The following PRDX6 variants were observed in gnomAD, a reference collection of about 807,000 sequenced individuals.
The protein encoded by PRDX6 is peroxiredoxin 6.
A neutral mutation model predicts 20.0 loss-of-function variants in PRDX6; 13 were observed. That is an observed-to-expected ratio of 0.65 (90% CI 0.42 to 1.03). The LOEUF is 1.03. Ranked by LOEUF, PRDX6 falls within the 50% of genes least tolerant of loss-of-function variation. The probability of loss-of-function intolerance (pLI) is 0.00; values close to 1 mark genes in which losing one functional copy is unlikely to be tolerated. For missense variants in PRDX6, 203 were observed against 276.9 expected, an observed-to-expected ratio of 0.73 and a Z score of 1.89; for synonymous variants, 85 against 100.8, an observed-to-expected ratio of 0.84 and a Z score of 0.94.
At chr1:173,480,681 T>A (rs1658786484) in intron 1 of PRDX6, among the ~76,000 whole-genome samples, 1 of 152,044 alleles carries the variant, frequency 6.6e-6, no homozygotes, top group Non-Finnish European at 1.5e-5. Context: ...ACTGTGAAGG[T>A]GCTATTGTTT....
intron 4 of PRDX6, 149 bp from the exon 5 acceptor site, chr1:173,487,586 T>G: frequency 1.1e-6 from 1 of 893,648 alleles, no homozygotes; most frequent in Admixed American, 2.8e-5. Context: ...AAAGATCAAC[T>G]TGGAAAACAA....
chr1:173,485,261 G>T, intron 2 of PRDX6, 100 bp from the exon 3 acceptor site: 1 of 1,145,026 alleles, frequency 8.7e-7, no homozygotes, highest in Non-Finnish European at 1.2e-6. Flanking sequence ...ACTGTGATTT[G>T]GTCCTCTTTC....
chr1:173,486,184 G>A, intron 3 of PRDX6, 71 bp from the exon 4 acceptor site: 2 of 1,364,364 alleles, frequency 1.5e-6, no homozygotes, highest in Non-Finnish European at 2.0e-6. Context: ...ATTAATGACT[G>A]CAGAGCTTTC....
At chr1:173,478,595 TTATATTA>T (rs1056945106) in intron 1 of PRDX6, among the ~76,000 whole-genome samples, 1 of 152,086 alleles carries the variant, frequency 6.6e-6, no homozygotes, top group Non-Finnish European at 1.5e-5. Flanking sequence ...GCATGTCTAG[TTATATTA>T]TGGTTCTGGA....
intron 4 of PRDX6, 111 bp downstream of exon 4, chr1:173,486,512 G>T: frequency 8.4e-7 from 1 of 1,192,468 alleles, no homozygotes; most frequent in Non-Finnish European, 1.2e-6. Flanking sequence ...ACACTGGGAG[G>T]ATTTTTCCTC....
intron 1 of PRDX6, 122 bp downstream of exon 1, chr1:173,477,614 C>T: frequency 3.7e-6 from 3 of 812,342 alleles, no homozygotes. Context: ...CCTCGCCTTC[C>T]CCCGCACTGG....
At position 173,477,355 on chromosome 1, in the gene PRDX6, C is replaced by T. The variant is rs1406345898; in HGVS notation, c.-43C>T. 5.3e-6 allele frequency: 8 copies of T among 1,507,734 alleles called. No individual in the cohort carries two copies. Among genetic ancestry groups the T allele is most frequent in the Non-Finnish European group, 5.5e-6 (6 of 1,095,686 alleles). 93.4% of individuals were successfully genotyped at this position (1,507,734 alleles called of 1,614,324 possible). A position where few individuals can be genotyped will look rare whatever the true frequency, so the allele number is the denominator to read the frequency against. On this transcript the variant is annotated 5_prime_UTR_variant, in exon 1 of 5. Transcript: ENST00000340385. ...AGGCTGCTTCTTCGCCAGAACCAAC[C>T]GGTTGCTTGCTGTCCCAGCGGCGCC... is the stretch of plus-strand genomic sequence containing the variant.
At position 173,488,009 on chromosome 1, in the gene PRDX6, A is replaced by C; in HGVS notation, c.*146A>C. ...CAATGGCTTATTAAATGAAAATGGC[A>C]CTAAAAGTTTCTTGAGATTCTTTAT... On this transcript the variant is annotated 3_prime_UTR_variant, in exon 5 of 5. Coordinates refer to ENST00000340385, the MANE Select transcript of PRDX6 (RefSeq NM_004905.3). 1.0e-6 allele frequency: 1 copy of C among 952,814 alleles called. No individual in the cohort carries two copies. The highest frequency in any genetic ancestry group is 2.8e-5 in the Admixed American group (1 of 35,140). The allele number at this position is 952,814 out of a possible 1,614,324, so 59.0% of individuals were successfully genotyped here.
Position 173,487,847 on chromosome 1 carries a change from A to G in PRDX6, c.659A>G (p.Tyr220Cys). The G allele has an allele frequency of 6.2e-7, 1 of 1,612,906 alleles. No homozygotes were observed. The highest frequency in any genetic ancestry group is 8.5e-7 in the Non-Finnish European group (1 of 1,179,996). The change falls in exon 5 of 5, where the codon TAC (tyrosine) becomes TGC (cysteine). Residue 220 changes from tyrosine to cysteine, a missense_variant. Tyr to Cys is a radical substitution (Grantham distance 194). Coordinates refer to ENST00000340385, the MANE Select transcript of PRDX6 (RefSeq NM_004905.3). ...ELPSGKKYLR[Y>C]TPQP ...CCATCTGGCAAGAAATACCTCCGCT[A>G]CACACCCCAGCCTTAAGTCTCTTGG...
intron 2 of PRDX6, among the ~76,000 whole-genome samples, chr1:173,484,168 TTA>T (rs1225304174): frequency 7.4e-5 from 6 of 81,430 alleles, no homozygotes; most frequent in African/African-American, 3.9e-4. Context: ...ATATATATAT[TTA>T]TATATATACA....
Position 173,481,415 on chromosome 1 carries a change from C to T in PRDX6, c.185C>T (p.Ala62Val). The change falls in exon 2 of 5, where the codon GCC becomes GTC. Residue 62 changes from alanine to valine, a missense_variant. Transcript: ENST00000340385. Reference protein sequence around the residue: ...GRAAKLAPEFAKRNVKLIALS... With the variant: ...GRAAKLAPEFVKRNVKLIALS... ...GCTGCAAAGCTGGCACCAGAATTTG[C>T]CAAGAGGAATGTTAAGTTGATTGCC... The T allele has an allele frequency of 6.2e-7, 1 of 1,614,022 alleles. No homozygotes were observed. The highest frequency in any genetic ancestry group is 2.2e-5 in the East Asian group (1 of 44,886).
chr1:173,479,039 TC>T (rs1658757159), intron 1 of PRDX6, among the ~76,000 whole-genome samples: 1 of 152,134 alleles, frequency 6.6e-6, no homozygotes, highest in Admixed American at 6.5e-5. Flanking sequence ...TCATCCCCCA[TC>T]CCCATGAAAC....
At chr1:173,486,612 A>G (rs1037413943) in intron 4 of PRDX6, among the ~76,000 whole-genome samples, 1 of 152,184 alleles carries the variant, frequency 6.6e-6, no homozygotes, top group African/African-American at 2.4e-5. Context: ...ATGGCTTTCC[A>G]ACTTTTAGAT....
At chr1:173,477,748 G>C (rs1658725080) in intron 1 of PRDX6, among the ~76,000 whole-genome samples, 1 of 152,268 alleles carries the variant, frequency 6.6e-6, no homozygotes, top group Non-Finnish European at 1.5e-5. Flanking sequence ...CCTCCGGCGT[G>C]GCTGGGCAAG....
At chr1:173,479,344 TTA>T (rs1315064041) in intron 1 of PRDX6, among the ~76,000 whole-genome samples, 1 of 152,234 alleles carries the variant, frequency 6.6e-6, no homozygotes, top group African/African-American at 2.4e-5. Context: ...TTTGAGCCTT[TTA>T]TATGTTTATA....
intron 2 of PRDX6, among the ~76,000 whole-genome samples, chr1:173,483,254 T>A (rs887592025): frequency 6.6e-6 from 1 of 152,176 alleles, no homozygotes; most frequent in Non-Finnish European, 1.5e-5. Context: ...TGTGATTACA[T>A]TGAATAGGAA....
At chr1:173,483,470 G>C (rs539285882) in intron 2 of PRDX6, among the ~76,000 whole-genome samples, 1 of 152,268 alleles carries the variant, frequency 6.6e-6, no homozygotes, top group Admixed American at 6.5e-5. Flanking sequence ...AGAATGGCTT[G>C]AACCCGAGAG....
At position 173,484,844 on chromosome 1, in the gene PRDX6, TG is replaced by T. The variant is rs1380065688; in HGVS notation, c.253-516del. 1.6e-4 allele frequency among the ~76,000 whole-genome samples: 23 copies of T among 142,218 alleles called. No individual in the cohort carries two copies. The Middle Eastern group carries it at 0.011, about 69-fold the overall frequency. 93.3% of individuals were successfully genotyped at this position (142,218 alleles called of 152,430 possible). ...CTTGTGTTTGCTTTGTTTTGTGATTTGTTTTTTTTTTTTTTGGTCATTTCTT... is the reference window on the plus strand; with the variant it reads ...CTTGTGTTTGCTTTGTTTTGTGATTTTTTTTTTTTTTTTTGGTCATTTCTT... On this transcript the variant is annotated intron_variant, in intron 2 of 4. Coordinates refer to ENST00000340385, the MANE Select transcript of PRDX6 (RefSeq NM_004905.3).
intron 4 of PRDX6, 43 bp downstream of exon 4, chr1:173,486,444 G>T (rs1179650617): frequency 1.9e-6 from 3 of 1,571,298 alleles, no homozygotes; most frequent in Non-Finnish European, 2.6e-6. Flanking sequence ...TTGCCTGAAG[G>T]GCCAGTCTCT....
Sources: gnomAD v4.1 joint callset for allele counts (sites outside exome capture counted in the v4.1 genomes callset) on GRCh38, gnomAD v4.1.1 for gene constraint, MANE v1.5 for transcripts, NCBI Gene and HGNC (gene_info 2026-07-23, HGNC 2026-07-21) for gene names.